Variants in CACHD1 observed in about 807,000 individuals in gnomAD.
CACHD1 encodes the protein cache domain containing 1.
CACHD1 carries 71 observed loss-of-function variants against 138.7 expected under a neutral mutation model. The observed-to-expected ratio is 0.51, with a 90% CI of 0.42 to 0.62. The LOEUF is 0.62. Among genes scored for constraint, CACHD1 ranks in the 20% least tolerant of loss-of-function variants. The probability of loss-of-function intolerance (pLI) is 0.00; values close to 1 mark genes in which losing one functional copy is unlikely to be tolerated. For missense variants in CACHD1, 1,389 were observed against 1,625.3 expected, an observed-to-expected ratio of 0.85 and a Z score of 2.50; for synonymous variants, 578 against 591.5, an observed-to-expected ratio of 0.98 and a Z score of 0.33.
chr1:64,590,927 C>T (rs1647095283), intron 3 of CACHD1, among the ~76,000 whole-genome samples: 2 of 152,160 alleles, frequency 1.3e-5, no homozygotes, highest in South Asian at 4.1e-4. Context: ...TCCTCAGTTT[C>T]CTCAACTGTA....
chr1:64,538,307 A>G (rs939954295), intron 1 of CACHD1, among the ~76,000 whole-genome samples: 5 of 152,358 alleles, frequency 3.3e-5, no homozygotes, highest in African/African-American at 1.2e-4. Flanking sequence ...ATCTTAAAAA[A>G]TTCAGCGCAT....
At chr1:64,524,050 T>C (rs1646518593) in intron 1 of CACHD1, among the ~76,000 whole-genome samples, 1 of 152,152 alleles carries the variant, frequency 6.6e-6, no homozygotes, top group African/African-American at 2.4e-5. Context: ...AGACACCATC[T>C]GGAAATTATT....
intron 13 of CACHD1, among the ~76,000 whole-genome samples, chr1:64,661,890 T>G (rs1297606443): frequency 6.6e-6 from 1 of 152,190 alleles, no homozygotes; most frequent in Non-Finnish European, 1.5e-5. Context: ...CCCAACCTAC[T>G]GAGGACAACT....
chr1:64,530,938 T>TG (rs1056504350), intron 1 of CACHD1, among the ~76,000 whole-genome samples: 1 of 148,888 alleles, frequency 6.7e-6, no homozygotes, highest in Non-Finnish European at 1.5e-5. Context: ...TTTTTGTTTT[T>TG]TTTTTTTTTA....
chr1:64,493,131 G>C (rs305559), intron 1 of CACHD1, among the ~76,000 whole-genome samples: 29,487 of 152,220 alleles, frequency 0.19, 4,686 homozygotes, highest in African/African-American at 0.44. Context: ...TCTAAAATCC[G>C]TTTGTGAACT....
At position 64,486,371 on chromosome 1, in the gene CACHD1, C is replaced by T. The variant is rs542152196; in HGVS notation, c.198+15429C>T. 7.0e-3 allele frequency among the ~76,000 whole-genome samples: 666 copies of T among 94,524 alleles called. 6 individuals are homozygous for T. Among genetic ancestry groups the T allele is most frequent in the African/African-American group, 0.053 (602 of 11,344 alleles). The allele number at this position is 94,524 out of a possible 152,430, so 62.0% of individuals were successfully genotyped here. ...GCGCGCACACACACACACACACATA[C>T]ACACACACACACACACACACATACA... On this transcript the variant is annotated intron_variant, in intron 1 of 26. Transcript: ENST00000651257.
rs567362780 is a variant in CACHD1 at position 64,607,112 on chromosome 1, A to G, written c.517+4200A>G. Among the ~76,000 whole-genome samples, 9 of 152,284 alleles carry G rather than the reference A, an allele frequency of 5.9e-5. No homozygotes were observed. In the East Asian group the frequency reaches 1.4e-3, roughly 23 times the overall value. ...TACTAAAATCATGAGGCTCATTTAG[A>G]TCACGTAGCAAGTGACTGTGGGTAG... On this transcript the variant is annotated intron_variant, in intron 4 of 26. Transcript: ENST00000651257.
chr1:64,659,424 A>G (rs1227892395), intron 13 of CACHD1, among the ~76,000 whole-genome samples: 1 of 152,216 alleles, frequency 6.6e-6, no homozygotes, highest in African/African-American at 2.4e-5. Context: ...AAGGCCTCCA[A>G]AGGAATCTAT....
chr1:64,679,700 A>G lies in CACHD1; in HGVS notation c.3350A>G (p.Tyr1117Cys). The change falls in exon 24 of 27, where the codon TAC (tyrosine) becomes TGC (cysteine). Residue 1117 changes from tyrosine to cysteine, a missense_variant. Tyr to Cys is a radical substitution (Grantham distance 194, BLOSUM62 -2). This residue lies in a region of CACHD1 where 250 missense variants were observed against 292.9 expected (regional missense o/e 0.85). Coordinates refer to ENST00000651257, the MANE Select transcript of CACHD1 (RefSeq NM_020925.4). Reference sequence around the variant, plus strand: ...GTCTTGGTCCTGGCGGTGTATGCCTACCGCCACCAGATTCATCGCCGGAGC... The same window carrying G: ...GTCTTGGTCCTGGCGGTGTATGCCTGCCGCCACCAGATTCATCGCCGGAGC... ...IMVLVLAVYA[Y>C]RHQIHRRSHQ... 1 of 1,614,070 alleles carries G rather than the reference A, an allele frequency of 6.2e-7. No homozygotes were observed. The highest frequency in any genetic ancestry group is 2.2e-5 in the East Asian group (1 of 44,860).
chr1:64,596,327 G>T (rs1647151292), intron 3 of CACHD1, among the ~76,000 whole-genome samples: 1 of 152,186 alleles, frequency 6.6e-6, no homozygotes, highest in Non-Finnish European at 1.5e-5. Flanking sequence ...AACTGGTGTT[G>T]CTCAAATATT....
intron 19 of CACHD1, 89 bp from the exon 20 acceptor site, chr1:64,675,312 C>T (rs557133656): frequency 1.9e-5 from 18 of 956,722 alleles, no homozygotes; most frequent in African/African-American, 1.5e-4. Flanking sequence ...AGCTATTTTT[C>T]GTAGGTAGTT....
At chr1:64,492,114 G>A (rs1320184252) in intron 1 of CACHD1, among the ~76,000 whole-genome samples, 1 of 151,142 alleles carries the variant, frequency 6.6e-6, no homozygotes, top group Admixed American at 6.6e-5. Context: ...TTAAAAGATG[G>A]AAGCTTTTTT....
chr1:64,578,822 T>C (rs1416383119), intron 2 of CACHD1, among the ~76,000 whole-genome samples: 1 of 152,210 alleles, frequency 6.6e-6, no homozygotes, highest in Admixed American at 6.5e-5. Context: ...TGTCCTTTTA[T>C]GACCTAGCTT....
At chr1:64,646,322 A>C (rs1648900878) in intron 8 of CACHD1, among the ~76,000 whole-genome samples, 1 of 152,196 alleles carries the variant, frequency 6.6e-6, no homozygotes, top group South Asian at 2.1e-4. Context: ...GTGCCGTGCA[A>C]AGGGAACAGT....
intron 12 of CACHD1, among the ~76,000 whole-genome samples, chr1:64,656,301 A>T (rs902653105): frequency 1.3e-5 from 2 of 152,202 alleles, no homozygotes; most frequent in Admixed American, 6.5e-5. Flanking sequence ...CCTATTTTGA[A>T]ATTCTCTTAG....
Position 64,679,493 on chromosome 1 carries a change from C to T in CACHD1, c.3245-102C>T, listed in dbSNP as rs1458413187. 3 of 1,324,710 alleles carry T rather than the reference C, an allele frequency of 2.3e-6. No homozygotes were observed. In the African/African-American group the frequency reaches 4.4e-5, roughly 19 times the overall value. 82.1% of individuals were successfully genotyped at this position (1,324,710 alleles called of 1,614,324 possible). A position where few individuals can be genotyped will look rare whatever the true frequency, so the allele number is the denominator to read the frequency against. On this transcript the variant is annotated intron_variant, in intron 23 of 26. Coordinates refer to ENST00000651257, the MANE Select transcript of CACHD1 (RefSeq NM_020925.4). ...TAACTAAGCATCTGTTTATCTTCCG[C>T]CAACCCCCTTCCCACTGTATTCCCT... is the stretch of plus-strand genomic sequence containing the variant.
chr1:64,496,977 A>G (rs1189115248), intron 1 of CACHD1, among the ~76,000 whole-genome samples: 2 of 151,890 alleles, frequency 1.3e-5, no homozygotes, highest in Non-Finnish European at 2.9e-5. Flanking sequence ...TCTAGCTGTC[A>G]TTTTTAACCC....
At chr1:64,517,353 A>G (rs1004200152) in intron 1 of CACHD1, among the ~76,000 whole-genome samples, 1 of 152,214 alleles carries the variant, frequency 6.6e-6, no homozygotes, top group Non-Finnish European at 1.5e-5. Context: ...GACATCATGA[A>G]TACTGGGAAA....
intron 2 of CACHD1, among the ~76,000 whole-genome samples, chr1:64,575,906 T>G (rs1461951504): frequency 6.6e-6 from 1 of 152,190 alleles, no homozygotes; most frequent in South Asian, 2.1e-4. Flanking sequence ...TGGGGAAGTA[T>G]GCAAATGACA....
Sources: gnomAD v4.1 joint callset for allele counts (sites outside exome capture counted in the v4.1 genomes callset) on GRCh38, gnomAD v4.1.1 for gene constraint, gnomAD v4.1.1 regional missense constraint, MANE v1.5 for transcripts, NCBI Gene and HGNC (gene_info 2026-07-23, HGNC 2026-07-21) for gene names.